SRPK2: variants seen among roughly 807,000 people sequenced by gnomAD.
The protein encoded by SRPK2 is SRSF protein kinase 2.
In SRPK2, 21 loss-of-function variants were observed where a neutral mutation model predicts 90.8. That is an observed-to-expected ratio of 0.23 (90% CI 0.16 to 0.33). SRPK2 has a LOEUF of 0.33. Among genes scored for constraint, SRPK2 ranks in the 10% least tolerant of loss-of-function variants. SRPK2 has a pLI of 1.00. For missense variants in SRPK2, 620 were observed against 869.0 expected, an observed-to-expected ratio of 0.71 and a Z score of 3.60; for synonymous variants, 288 against 311.1, an observed-to-expected ratio of 0.93 and a Z score of 0.78.
At chr7:105,242,055 C>A (rs1800881870) in intron 2 of SRPK2, among the ~76,000 whole-genome samples, 1 of 152,186 alleles carries the variant, frequency 6.6e-6, no homozygotes, top group Admixed American at 6.5e-5. Flanking sequence ...TTCCCATTGT[C>A]ATTTTGATCT....
chr7:105,368,957 G>C (rs531016470), intron 2 of SRPK2, among the ~76,000 whole-genome samples: 18 of 150,476 alleles, frequency 1.2e-4, no homozygotes, highest in Non-Finnish European at 2.4e-4. Flanking sequence ...ACATGGAATG[G>C]TTTAGGGCAA....
chr7:105,251,139 C>G (rs2129631121), intron 2 of SRPK2, among the ~76,000 whole-genome samples: 1 of 152,316 alleles, frequency 6.6e-6, no homozygotes, highest in South Asian at 2.1e-4. Flanking sequence ...AATGAAGTAA[C>G]TATAACAGGA....
chr7:105,149,186 C>T (rs1299292869), intron 7 of SRPK2, among the ~76,000 whole-genome samples: 6 of 152,258 alleles, frequency 3.9e-5, no homozygotes, highest in African/African-American at 1.4e-4. Context: ...AACTGAATGT[C>T]TCGGTATAAA....
chr7:105,268,958 T>C (rs553289571), intron 2 of SRPK2: 4 of 1,451,782 alleles, frequency 2.8e-6, no homozygotes, highest in Non-Finnish European at 3.7e-6. Context: ...CTAATCCCTT[T>C]TGTTCAGAAT....
At position 105,259,340 on chromosome 7, in the gene SRPK2, C is replaced by T. The variant is rs151049020; in HGVS notation, c.72-55555G>A. 1.1e-3 allele frequency among the ~76,000 whole-genome samples: 162 copies of T among 152,208 alleles called. 1 individual carries two copies. Among genetic ancestry groups the T allele is most frequent in the African/African-American group, 3.8e-3 (158 of 41,524 alleles). The stretch of plus-strand genomic sequence containing the variant: ...CCAACTTACAAGGGATGTGAAGGAC[C>T]TCTTCAAGGAGACTACAAATCACTG... On this transcript the variant is annotated intron_variant, in intron 2 of 15. Coordinates refer to ENST00000393651, the MANE Select transcript of SRPK2 (RefSeq NM_182692.3).
intron 7 of SRPK2, 36 bp from the exon 8 acceptor site, chr7:105,146,694 T>C (rs1258144767): frequency 1.3e-6 from 2 of 1,591,986 alleles, no homozygotes; most frequent in East Asian, 4.5e-5. Context: ...AGATAAGCTA[T>C]TAATATCTCA....
chr7:105,180,031 T>C (rs1792557461), intron 3 of SRPK2, among the ~76,000 whole-genome samples: 1 of 152,122 alleles, frequency 6.6e-6, no homozygotes, highest in East Asian at 1.9e-4. Flanking sequence ...GATTCAATGC[T>C]ATTCCTATCA....
At chr7:105,283,278 T>G (rs578231483) in intron 2 of SRPK2, among the ~76,000 whole-genome samples, 56 of 152,304 alleles carry the variant, frequency 3.7e-4, no homozygotes, top group Middle Eastern at 3.4e-3. Context: ...ACAATTCTCC[T>G]CCTAGGTATA....
intron 2 of SRPK2, among the ~76,000 whole-genome samples, chr7:105,243,333 T>G (rs1372429930): frequency 6.6e-6 from 1 of 152,102 alleles, no homozygotes. Flanking sequence ...TCTCTAAATC[T>G]AGATGATGAC....
intron 2 of SRPK2, among the ~76,000 whole-genome samples, chr7:105,345,059 C>T (rs1488407939): frequency 6.6e-6 from 1 of 151,872 alleles, no homozygotes; most frequent in Admixed American, 6.6e-5. Context: ...TCACTTGAAA[C>T]CAGGAGGCGG....
intron 2 of SRPK2, among the ~76,000 whole-genome samples, chr7:105,359,576 G>A (rs145333565): frequency 7.9e-5 from 12 of 152,226 alleles, no homozygotes; most frequent in Non-Finnish European, 1.2e-4. Flanking sequence ...ATTGTCTAAC[G>A]TCAATTTGTT....
At chr7:105,378,530 C>G (rs1006479649) in intron 2 of SRPK2, among the ~76,000 whole-genome samples, 3 of 151,878 alleles carry the variant, frequency 2.0e-5, no homozygotes, top group Non-Finnish European at 4.4e-5. Flanking sequence ...TTTGGGAGGC[C>G]GAGGTGGGCA....
chr7:105,182,627 T>G (rs377315955), intron 3 of SRPK2, among the ~76,000 whole-genome samples: 11 of 152,150 alleles, frequency 7.2e-5, no homozygotes, highest in Admixed American at 3.9e-4. Context: ...AATTTTTGTG[T>G]TTTTTATTTA....
At chr7:105,155,128 G>A (rs966141053) in intron 7 of SRPK2, among the ~76,000 whole-genome samples, 6 of 151,998 alleles carry the variant, frequency 3.9e-5, no homozygotes, top group African/African-American at 1.5e-4. Flanking sequence ...CTATATGTAT[G>A]TGCCACCACT....
At chr7:105,313,018 C>T (rs79241133) in intron 2 of SRPK2, among the ~76,000 whole-genome samples, 4,509 of 151,954 alleles carry the variant, frequency 0.03, 243 homozygotes, top group African/African-American at 0.1. Flanking sequence ...CCATTTGAAA[C>T]TACTAATGAA....
rs560231481 is a variant in SRPK2, at chr7:105,125,815, C to G, written c.1915+433G>C. 9.3e-6 allele frequency: 12 copies of G among 1,291,760 alleles called. No individual in the cohort carries two copies. In the South Asian group the frequency reaches 1.5e-4, roughly 16 times the overall value. The allele number at this position is 1,291,760 out of a possible 1,614,324, so 80.0% of individuals were successfully genotyped here. On this transcript the variant is annotated intron_variant, in intron 15 of 15. Transcript: ENST00000393651. ...GTGAAAAACTCCTTGGAGTATTTCC[C>G]CAACATAGCGTATTTTCGAGGGACT...
chr7:105,158,179 C>T (rs1436400343), intron 7 of SRPK2, among the ~76,000 whole-genome samples: 5 of 152,186 alleles, frequency 3.3e-5, no homozygotes, highest in Non-Finnish European at 7.3e-5. Context: ...AACTTACAGA[C>T]TCCTTCAACT....
intron 3 of SRPK2, among the ~76,000 whole-genome samples, chr7:105,200,788 GA>G (rs1795448409): frequency 6.6e-6 from 1 of 152,162 alleles, no homozygotes; most frequent in South Asian, 2.1e-4. Context: ...TCAAGGACAT[GA>G]AAGCCAGGAA....
chr7:105,293,453 GT>G (rs989352672), intron 2 of SRPK2, among the ~76,000 whole-genome samples: 18 of 57,482 alleles, frequency 3.1e-4, no homozygotes, highest in African/African-American at 1.8e-3. Flanking sequence ...TTCCTTTTTT[GT>G]GGGGGGGTGG....
Sources: gnomAD v4.1 joint callset for allele counts (sites outside exome capture counted in the v4.1 genomes callset) on GRCh38, gnomAD v4.1.1 for gene constraint, MANE v1.5 for transcripts, NCBI Gene and HGNC (gene_info 2026-07-23, HGNC 2026-07-21) for gene names.